The following SDHAF3 variants were observed in gnomAD, a reference collection of about 807,000 sequenced individuals.
SDHAF3 encodes the protein succinate dehydrogenase complex assembly factor 3.
A neutral mutation model predicts 11.5 loss-of-function variants in SDHAF3; 18 were observed. The ratio of observed to expected loss-of-function variants is 1.56; its 90% CI spans 1.08 to 2.32. The LOEUF (loss-of-function observed/expected upper bound fraction) is 2.32. Ranked by LOEUF, SDHAF3 falls within the 30% of genes most tolerant of loss-of-function variation. The pLI is 0.00. For synonymous variants in SDHAF3, 72 were observed against 59.3 expected (o/e 1.21, Z -0.99); for missense variants, 200 against 154.4 (o/e 1.30, Z -1.57).
chr7:97,131,565 C>T (rs1322647105), intron 1 of SDHAF3, among the ~76,000 whole-genome samples: 2 of 152,136 alleles, frequency 1.3e-5, no homozygotes, highest in African/African-American at 2.4e-5. Flanking sequence ...ATATATTTTA[C>T]CCCTGAATTA....
chr7:97,143,751 C>T (rs1383215473), intron 1 of SDHAF3, among the ~76,000 whole-genome samples: 1 of 151,776 alleles, frequency 6.6e-6, no homozygotes, highest in Non-Finnish European at 1.5e-5. Context: ...GGGTTGGTTC[C>T]ACTATTTTGC....
Position 97,120,790 on chromosome 7 carries a change from A to G in SDHAF3, c.174+2893A>G, listed in dbSNP as rs571851034. 4.6e-5 allele frequency among the ~76,000 whole-genome samples: 7 copies of G among 152,272 alleles called. No individual in the cohort carries two copies. In the South Asian group the frequency reaches 1.2e-3, roughly 27 times the overall value. The stretch of plus-strand genomic sequence containing the variant: ...TTTTACATCAGGGGCAACGTTGGGT[A>G]TAGTTGCCACTGGAGAAAAGAAAGG... On this transcript the variant is annotated intron_variant, in intron 1 of 1. Coordinates refer to ENST00000432641, the MANE Select transcript of SDHAF3 (RefSeq NM_020186.3).
chr7:97,169,368 CTGT>C (rs1262538473), intron 1 of SDHAF3, among the ~76,000 whole-genome samples: 1 of 151,856 alleles, frequency 6.6e-6, no homozygotes, highest in Non-Finnish European at 1.5e-5. Flanking sequence ...CCAAATTGAA[CTGT>C]GTGAAAGTAC....
intron 1 of SDHAF3, among the ~76,000 whole-genome samples, chr7:97,143,216 A>C (rs1434227814): frequency 6.6e-6 from 1 of 152,076 alleles, no homozygotes; most frequent in Non-Finnish European, 1.5e-5. Context: ...TTCTTCTAAG[A>C]ATATTTACTT....
chr7:97,160,828 G>A (rs1789396734), intron 1 of SDHAF3, among the ~76,000 whole-genome samples: 1 of 152,062 alleles, frequency 6.6e-6, no homozygotes, highest in Admixed American at 6.5e-5. Context: ...AGTCAGTGTA[G>A]GCACAATAAG....
chr7:97,146,175 A>T (rs10281620), intron 1 of SDHAF3, among the ~76,000 whole-genome samples: 5 of 152,140 alleles, frequency 3.3e-5, no homozygotes, highest in Admixed American at 3.3e-4. Flanking sequence ...AAGAGATAAC[A>T]TGACATTTTT....
chr7:97,155,600 ATTAC>A (rs1789289217), intron 1 of SDHAF3, among the ~76,000 whole-genome samples: 1 of 152,172 alleles, frequency 6.6e-6, no homozygotes, highest in South Asian at 2.1e-4. Flanking sequence ...TAACTACCTT[ATTAC>A]TTGTTTGCTT....
At chr7:97,132,865 C>T (rs1791691542) in intron 1 of SDHAF3, among the ~76,000 whole-genome samples, 2 of 152,144 alleles carry the variant, frequency 1.3e-5, no homozygotes. Flanking sequence ...GGTAATTGAT[C>T]TTATAGTCTG....
intron 1 of SDHAF3, among the ~76,000 whole-genome samples, chr7:97,145,122 T>C (rs892815865): frequency 2.1e-4 from 32 of 151,616 alleles, no homozygotes; most frequent in African/African-American, 7.5e-4. Context: ...TCGCTATTGG[T>C]GTATTGAAGA....
At chr7:97,157,509 A>G (rs889642754) in intron 1 of SDHAF3, among the ~76,000 whole-genome samples, 3 of 152,108 alleles carry the variant, frequency 2.0e-5, no homozygotes, top group African/African-American at 7.2e-5. Context: ...ACACTTTTAC[A>G]CTGTTGGTGG....
At chr7:97,131,046 G>C (rs1315833055) in intron 1 of SDHAF3, among the ~76,000 whole-genome samples, 2 of 152,192 alleles carry the variant, frequency 1.3e-5, no homozygotes, top group Admixed American at 6.5e-5. Context: ...GTCTGCCTAG[G>C]AATTTGTCTG....
intron 1 of SDHAF3, among the ~76,000 whole-genome samples, chr7:97,150,168 C>T (rs1562825855): frequency 6.6e-6 from 1 of 152,212 alleles, no homozygotes; most frequent in Non-Finnish European, 1.5e-5. Flanking sequence ...CAGTTACTTA[C>T]TCCACTGAAT....
chr7:97,147,749 G>A (rs933247000), intron 1 of SDHAF3, among the ~76,000 whole-genome samples: 1 of 152,094 alleles, frequency 6.6e-6, no homozygotes, highest in African/African-American at 2.4e-5. Flanking sequence ...CACAGTTTGG[G>A]CATGGTTATA....
At chr7:97,119,626 A>G (rs1435452286) in intron 1 of SDHAF3, among the ~76,000 whole-genome samples, 1 of 152,198 alleles carries the variant, frequency 6.6e-6, no homozygotes, top group African/African-American at 2.4e-5. Flanking sequence ...GACTTTATTT[A>G]CAATTTGCCA....
chr7:97,129,865 T>C (rs2115632940), intron 1 of SDHAF3, among the ~76,000 whole-genome samples: 1 of 151,840 alleles, frequency 6.6e-6, no homozygotes, highest in Non-Finnish European at 1.5e-5. Flanking sequence ...AGCAAGCGAG[T>C]GTGGGATCCA....
chr7:97,160,443 G>A (rs376995497), intron 1 of SDHAF3, among the ~76,000 whole-genome samples: 7 of 151,914 alleles, frequency 4.6e-5, no homozygotes, highest in Admixed American at 3.3e-4. Context: ...CGACGATGGC[G>A]GTTTTGTCAA....
At chr7:97,131,044 A>G (rs1283482270) in intron 1 of SDHAF3, among the ~76,000 whole-genome samples, 2 of 152,242 alleles carry the variant, frequency 1.3e-5, no homozygotes, top group African/African-American at 4.8e-5. Flanking sequence ...TTGTCTGCCT[A>G]GGAATTTGTC....
At chr7:97,155,584 G>T (rs1789289051) in intron 1 of SDHAF3, among the ~76,000 whole-genome samples, 1 of 152,076 alleles carries the variant, frequency 6.6e-6, no homozygotes, top group Non-Finnish European at 1.5e-5. Flanking sequence ...TATATTGTGT[G>T]GTGATTAACT....
chr7:97,173,778 T>C (rs1789640610), intron 1 of SDHAF3, among the ~76,000 whole-genome samples: 1 of 152,046 alleles, frequency 6.6e-6, no homozygotes, highest in Admixed American at 6.5e-5. Context: ...GATCTCAATC[T>C]CCTGACCTCA....
Sources: allele counts gnomAD v4.1 joint callset (sites outside exome capture counted in the v4.1 genomes callset), GRCh38; gene constraint gnomAD v4.1.1; transcripts MANE v1.5; gene names NCBI Gene and HGNC (gene_info 2026-07-23, HGNC 2026-07-21).